HMCN1: variants seen among roughly 807,000 people sequenced by gnomAD.
HMCN1 encodes hemicentin-1.
HMCN1 carries 321 observed loss-of-function variants against 625.9 expected under a neutral mutation model. The observed-to-expected ratio is 0.51, with a 90% CI of 0.47 to 0.56. The LOEUF is 0.56. Ranked by LOEUF, HMCN1 falls within the 20% of genes least tolerant of loss-of-function variation. The pLI, the probability that HMCN1 is intolerant of heterozygous loss-of-function variation, is 0.00. For synonymous variants in HMCN1, 2,425 were observed against 2,417.6 expected, an observed-to-expected ratio of 1.00 and a Z score of -0.09; for missense variants, 6,588 against 6,887.3, an observed-to-expected ratio of 0.96 and a Z score of 1.54.
rs1156695978 is a variant in HMCN1 at position 186,087,947 on chromosome 1, C to T, written c.9379C>T (p.Gln3127Ter). 1 of 1,612,524 alleles carries T rather than the reference C, an allele frequency of 6.2e-7. No homozygotes were observed. The highest frequency in any genetic ancestry group is 1.7e-5 in the Admixed American group (1 of 59,852). ...IKKAEVSDTG[Q>*]YVCRAINVAG... ...TTTCTTTTAGGTATCTGACACAGGC[C>T]AGTATGTATGTAGAGCTATAAATGT... Residue 3127 changes from glutamine to a stop codon, truncating the protein, a stop_gained, in exon 61 of 107, where the codon CAG becomes TAG. Transcript: ENST00000271588. LOFTEE classifies it high-confidence loss of function.
At chr1:185,850,813 C>T (rs996567733) in intron 2 of HMCN1, among the ~76,000 whole-genome samples, 1 of 151,606 alleles carries the variant, frequency 6.6e-6, no homozygotes, top group Non-Finnish European at 1.5e-5. Context: ...TCATAGGATC[C>T]AAAAGGATGC....
At position 185,987,548 on chromosome 1, in the gene HMCN1, A is replaced by T. The variant is rs1333597171; in HGVS notation, c.3048+4A>T. The T allele has an allele frequency of 3.2e-6, 5 of 1,560,244 alleles. No individual in the cohort carries two copies. The highest frequency in any genetic ancestry group is 4.4e-6 in the Non-Finnish European group (5 of 1,131,046). On this transcript the variant is annotated splice_donor_region_variant and intron_variant, in intron 20 of 106. Coordinates refer to ENST00000271588, the MANE Select transcript of HMCN1 (RefSeq NM_031935.3). ...ACCGTCTGTCATCTGGTCCAAGGTA[A>T]ATGATACATCTAGTTATATTTCCTG...
chr1:185,911,771 G>A lies in HMCN1; in HGVS notation c.891G>A (p.Trp297Ter). Residue 297 changes from tryptophan to a stop codon, truncating the protein, a stop_gained, in exon 6 of 107, where the codon TGG becomes TGA. Coordinates refer to ENST00000271588, the MANE Select transcript of HMCN1 (RefSeq NM_031935.3). LOFTEE classifies it high-confidence loss of function. ...VNVKEPEAGM[W>*]TVKTSSSGRH... The stretch of plus-strand genomic sequence containing the variant: ...TGAAAGAGCCAGAGGCTGGAATGTG[G>A]ACAGTGAAGGTACGGTTGTTTCACA... 6.2e-7 allele frequency: 1 copy of A among 1,608,520 alleles called. No homozygotes were observed. The highest frequency in any genetic ancestry group is 8.5e-7 in the Non-Finnish European group (1 of 1,175,108).
intron 15 of HMCN1, among the ~76,000 whole-genome samples, chr1:185,974,848 A>G (rs1430334040): frequency 2.0e-5 from 3 of 152,122 alleles, no homozygotes; most frequent in South Asian, 4.1e-4. Context: ...TTTACAATGG[A>G]TGACTTCTCC....
intron 22 of HMCN1, 64 bp downstream of exon 22, chr1:185,990,507 A>G (rs1180867292): frequency 2.2e-6 from 3 of 1,391,396 alleles, no homozygotes; most frequent in South Asian, 2.3e-5. Flanking sequence ...ACAGATGGCC[A>G]TGCCTATTCA....
chr1:185,755,453 A>G (rs1415993518), intron 1 of HMCN1, among the ~76,000 whole-genome samples: 2 of 152,210 alleles, frequency 1.3e-5, no homozygotes, highest in Non-Finnish European at 2.9e-5. Context: ...GTCAGATCTT[A>G]TCTGGAAGGC....
chr1:186,069,240 A>G (rs1379016504), intron 50 of HMCN1, among the ~76,000 whole-genome samples: 1 of 152,228 alleles, frequency 6.6e-6, no homozygotes, highest in African/African-American at 2.4e-5. Context: ...ATGTTGGTCA[A>G]TTGAGAACGA....
chr1:185,872,438 C>T (rs1050012763), intron 4 of HMCN1, among the ~76,000 whole-genome samples: 1 of 151,934 alleles, frequency 6.6e-6, no homozygotes, highest in Non-Finnish European at 1.5e-5. Context: ...AAATGAAGTC[C>T]TTAATTTATT....
intron 11 of HMCN1, among the ~76,000 whole-genome samples, chr1:185,936,769 A>G (rs1050889429): frequency 6.6e-6 from 1 of 152,180 alleles, no homozygotes; most frequent in Non-Finnish European, 1.5e-5. Context: ...TTAGAAACAG[A>G]TGGTAGCAGA....
chr1:186,189,524 G>C lies in HMCN1; in HGVS notation c.16554G>C (p.Lys5518Asn). 6.2e-7 allele frequency: 1 copy of C among 1,613,282 alleles called. No homozygotes were observed. The highest frequency in any genetic ancestry group is 8.5e-7 in the Non-Finnish European group (1 of 1,179,738). ...QRDPVSGFCL[K>N]NCPPNDLECA... ...TTGTTGTCCTTAGGTTCTGCCTCAA[G>C]AACTGTCCACCCAATGATTTGGAAT... The change falls in exon 107 of 107, where the codon AAG becomes AAC. Residue 5518 changes from lysine (K) to asparagine (N), a missense_variant. Transcript: ENST00000271588.
chr1:185,962,481 T>G, intron 11 of HMCN1, 37 bp from the exon 12 acceptor site: 2 of 1,585,192 alleles, frequency 1.3e-6, no homozygotes, highest in Non-Finnish European at 8.7e-7. Flanking sequence ...TCAAGATAAA[T>G]TGGCATTTTT....
intron 2 of HMCN1, among the ~76,000 whole-genome samples, chr1:185,859,630 G>C (rs559402154): frequency 4.7e-4 from 71 of 152,048 alleles, no homozygotes; most frequent in African/African-American, 1.6e-3. Flanking sequence ...TAGTGCAGAG[G>C]TAAAGCATTT....
intron 11 of HMCN1, among the ~76,000 whole-genome samples, chr1:185,938,201 A>G (rs1667914671): frequency 1.3e-5 from 2 of 152,138 alleles, no homozygotes; most frequent in Admixed American, 6.5e-5. Context: ...AAATAGTCCA[A>G]GATATAATTG....
At chr1:185,934,821 G>C (rs1211740557) in intron 11 of HMCN1, among the ~76,000 whole-genome samples, 1 of 152,074 alleles carries the variant, frequency 6.6e-6, no homozygotes, top group Non-Finnish European at 1.5e-5. Context: ...TGACCATTCA[G>C]TTTCAAGGCT....
intron 1 of HMCN1, among the ~76,000 whole-genome samples, chr1:185,815,439 A>G (rs1659783581): frequency 6.7e-6 from 1 of 150,228 alleles, no homozygotes; most frequent in Non-Finnish European, 1.5e-5. Context: ...ATAAGTGGCT[A>G]CCGTATTTTC....
chr1:185,807,774 G>A (rs907874890), intron 1 of HMCN1, among the ~76,000 whole-genome samples: 41 of 152,056 alleles, frequency 2.7e-4, no homozygotes, highest in African/African-American at 9.4e-4. Flanking sequence ...AGTCTTTTAT[G>A]ATAATACTTT....
chr1:185,749,592 C>T (rs1487516051), intron 1 of HMCN1, among the ~76,000 whole-genome samples: 1 of 152,162 alleles, frequency 6.6e-6, no homozygotes, highest in Non-Finnish European at 1.5e-5. Flanking sequence ...TTGAGATCTC[C>T]TGTGCTCCTC....
intron 67 of HMCN1, among the ~76,000 whole-genome samples, chr1:186,094,790 G>A (rs1660041916): frequency 6.6e-6 from 1 of 152,028 alleles, no homozygotes; most frequent in African/African-American, 2.4e-5. Context: ...CTTCCATTTC[G>A]GAAATATTGA....
At chr1:186,014,851 G>T (rs1308406295) in intron 30 of HMCN1, among the ~76,000 whole-genome samples, 7 of 151,984 alleles carry the variant, frequency 4.6e-5, no homozygotes, top group African/African-American at 1.7e-4. Flanking sequence ...TTTGAGTGGG[G>T]TTTTATTTTG....
Sources: gnomAD v4.1 joint callset for allele counts (sites outside exome capture counted in the v4.1 genomes callset) on GRCh38, gnomAD v4.1.1 for gene constraint, MANE v1.5 for transcripts, NCBI Gene and HGNC (gene_info 2026-07-23, HGNC 2026-07-21) for gene names.